PDE4D: variants seen among roughly 807,000 people sequenced by gnomAD.
PDE4D encodes 3',5'-cyclic-AMP phosphodiesterase 4D.
PDE4D carries 24 observed loss-of-function variants against 87.4 expected under a neutral mutation model. That is an observed-to-expected ratio of 0.27 (90% CI 0.20 to 0.39). The LOEUF is 0.39. PDE4D is among the 10% of genes least tolerant of loss of function. PDE4D has a pLI of 1.00. For synonymous variants in PDE4D, 384 were observed against 383.2 expected (o/e 1.00, Z -0.02); for missense variants, 714 against 1,041.0 (o/e 0.69, Z 4.32).
At chr5:59,596,554 G>A (rs1561290317) in intron 1 of PDE4D, among the ~76,000 whole-genome samples, 1 of 151,844 alleles carries the variant, frequency 6.6e-6, no homozygotes, top group Non-Finnish European at 1.5e-5. Context: ...GCCTAGAATA[G>A]TATCTGGTGC....
At chr5:59,363,956 T>C (rs1366734761) in intron 1 of PDE4D, among the ~76,000 whole-genome samples, 2 of 152,218 alleles carry the variant, frequency 1.3e-5, no homozygotes, top group African/African-American at 4.8e-5. Context: ...TGCCCTGCAC[T>C]TTCCCTCTGA....
At chr5:60,005,602 C>A (rs1764399103) in intron 2 of PDE4D, among the ~76,000 whole-genome samples, 1 of 151,858 alleles carries the variant, frequency 6.6e-6, no homozygotes. Flanking sequence ...CACATGTCTA[C>A]CTCAAATATA....
At chr5:59,824,638 G>A (rs1010376824) in intron 1 of PDE4D, among the ~76,000 whole-genome samples, 1 of 152,128 alleles carries the variant, frequency 6.6e-6, no homozygotes, top group Non-Finnish European at 1.5e-5. Flanking sequence ...CTTGGATGAC[G>A]ACAAGTACTT....
At chr5:59,021,072 G>A (rs144219454) in intron 6 of PDE4D, among the ~76,000 whole-genome samples, 13 of 152,166 alleles carry the variant, frequency 8.5e-5, no homozygotes, top group Admixed American at 7.2e-4. Flanking sequence ...AGTATTTCAG[G>A]GAATCAGAGA....
chr5:59,114,817 C>T (rs576533317), intron 5 of PDE4D, among the ~76,000 whole-genome samples: 2 of 150,316 alleles, frequency 1.3e-5, no homozygotes, highest in Non-Finnish European at 2.9e-5. Flanking sequence ...AGCAGAGGAA[C>T]TACAGCAGTA....
chr5:60,249,507 T>G (rs1200301077), intron 1 of PDE4D, among the ~76,000 whole-genome samples: 1 of 151,992 alleles, frequency 6.6e-6, no homozygotes, highest in East Asian at 1.9e-4. Context: ...AATCCTAACA[T>G]GTAGCCTGCA....
At chr5:59,654,076 T>C (rs1743971594) in intron 1 of PDE4D, among the ~76,000 whole-genome samples, 1 of 152,268 alleles carries the variant, frequency 6.6e-6, no homozygotes, top group Middle Eastern at 3.4e-3. Context: ...CATGGTGCCA[T>C]GCACTTGTAT....
chr5:59,363,815 C>T (rs1197701287), intron 1 of PDE4D, among the ~76,000 whole-genome samples: 2 of 152,072 alleles, frequency 1.3e-5, no homozygotes, highest in African/African-American at 2.4e-5. Flanking sequence ...GGCCTGTGAG[C>T]CTGGGGTGGG....
chr5:59,340,553 A>C (rs1010115496), intron 1 of PDE4D, among the ~76,000 whole-genome samples: 1 of 152,166 alleles, frequency 6.6e-6, no homozygotes, highest in African/African-American at 2.4e-5. Flanking sequence ...TATACTCTTT[A>C]ATTAAAAAAT....
intron 1 of PDE4D, among the ~76,000 whole-genome samples, chr5:60,393,142 A>C (rs1762665062): frequency 6.6e-6 from 1 of 152,256 alleles, no homozygotes; most frequent in African/African-American, 2.4e-5. Context: ...AGATATGTTC[A>C]AATAAATCAA....
chr5:60,323,583 A>G (rs80336677), intron 1 of PDE4D, among the ~76,000 whole-genome samples: 4,271 of 152,226 alleles, frequency 0.028, 177 homozygotes, highest in African/African-American at 0.098. Flanking sequence ...CTTCTCACCA[A>G]TACTTATGTG....
chr5:60,110,716 G>A (rs1777586702), intron 2 of PDE4D, among the ~76,000 whole-genome samples: 1 of 152,038 alleles, frequency 6.6e-6, no homozygotes, highest in African/African-American at 2.4e-5. Flanking sequence ...GTTTATTGCG[G>A]CACTACTTAT....
At chr5:59,678,428 TA>T (rs925405994) in intron 1 of PDE4D, among the ~76,000 whole-genome samples, 2 of 151,714 alleles carry the variant, frequency 1.3e-5, no homozygotes, top group African/African-American at 4.8e-5. Flanking sequence ...TCTCTATCAT[TA>T]AAAAAAATAT....
intron 2 of PDE4D, among the ~76,000 whole-genome samples, chr5:60,172,676 T>C (rs549351856): frequency 6.6e-6 from 1 of 152,254 alleles, no homozygotes; most frequent in South Asian, 2.1e-4. Context: ...TTACTAGAAC[T>C]CATTCATTCT....
chr5:60,500,738 A>C (rs1750031260), intron 1 of PDE4D, among the ~76,000 whole-genome samples: 1 of 152,196 alleles, frequency 6.6e-6, no homozygotes, highest in Admixed American at 6.5e-5. Flanking sequence ...CAGCTTTCTC[A>C]GCTGTAAACT....
In PDE4D at chr5:60,254,873, G is replaced by T. The variant is rs189748002; in HGVS notation, c.-89-69186C>A. ...AATTAAATGAGAAAGCATGCAGTTA[G>T]CCCTAAGTGCTGTACCTGGCATATA... On this transcript the variant is annotated intron_variant, in intron 1 of 16. Coordinates refer to the PDE4D transcript ENST00000502484. 1.3e-3 allele frequency among the ~76,000 whole-genome samples: 201 copies of T among 151,928 alleles called. 1 individual carries two copies. Among genetic ancestry groups the T allele is most frequent in the African/African-American group, 4.7e-3 (194 of 41,496 alleles).
intron 5 of PDE4D, among the ~76,000 whole-genome samples, chr5:59,108,621 C>T (rs534496452): frequency 5.9e-5 from 9 of 152,240 alleles, no homozygotes; most frequent in East Asian, 1.9e-4. Context: ...TGGCCAGGTG[C>T]GGTGGCTCAC....
At chr5:59,301,255 C>T (rs1770190474) in intron 1 of PDE4D, among the ~76,000 whole-genome samples, 1 of 151,932 alleles carries the variant, frequency 6.6e-6, no homozygotes, top group African/African-American at 2.4e-5. Context: ...GCCCCTGAGG[C>T]CTAACACACC....
chr5:59,625,080 C>T (rs1830742022), intron 1 of PDE4D, among the ~76,000 whole-genome samples: 1 of 152,146 alleles, frequency 6.6e-6, no homozygotes, highest in Admixed American at 6.5e-5. Context: ...GGTTACTAAT[C>T]AGCTGACCTT....
Sources: allele counts gnomAD v4.1 joint callset (sites outside exome capture counted in the v4.1 genomes callset), GRCh38; gene constraint gnomAD v4.1.1; transcripts MANE v1.5; gene names NCBI Gene and HGNC (gene_info 2026-07-23, HGNC 2026-07-21).